The following CIMIP5 variants were observed in gnomAD, a reference collection of about 807,000 sequenced individuals.
The protein encoded by CIMIP5 is ciliary microtubule inner protein 5, also known as uncharacterized protein C2orf50.
chr2:11,139,433 G>A, the CIMIP5 span, among the ~76,000 whole-genome samples: 5 of 152,274 alleles, frequency 3.3e-5, no homozygotes, highest in East Asian at 9.6e-4. Context: ...TTGTAGAATT[G>A]TTTGACTTTT....
At chr2:11,150,340 CT>C in the CIMIP5 span, among the ~76,000 whole-genome samples, 132,900 of 149,858 alleles carry the variant, frequency 0.89, 59,068 homozygotes, top group East Asian at 1. Context: ...GATTTTTTTT[CT>C]TTTTTTTTTG....
At chr2:11,153,909 A>T in the CIMIP5 span, among the ~76,000 whole-genome samples, 3 of 132,780 alleles carry the variant, frequency 2.3e-5, no homozygotes, top group South Asian at 8.9e-4. Context: ...GGGCGACAAG[A>T]GTGAAACTCC....
At chr2:11,135,655 G>T in the CIMIP5 span, among the ~76,000 whole-genome samples, 14 of 88,604 alleles carry the variant, frequency 1.6e-4, no homozygotes, top group South Asian at 1.0e-3. Context: ...GGTTTTTTTT[G>T]GGGTTTTTTT....
At chr2:11,146,942 C>T in the CIMIP5 span, among the ~76,000 whole-genome samples, 1 of 152,130 alleles carries the variant, frequency 6.6e-6, no homozygotes, top group Non-Finnish European at 1.5e-5. Flanking sequence ...AGAAGATTTC[C>T]ATTTGAGGGA....
chr2:11,145,104 C>G, the CIMIP5 span: 1 of 152,232 alleles, frequency 6.6e-6, no homozygotes, highest in Non-Finnish European at 1.5e-5. Context: ...CTGCTTCTGC[C>G]TCCTGAGTAG....
the CIMIP5 span, chr2:11,143,997 G>A: frequency 6.2e-7 from 1 of 1,607,338 alleles, no homozygotes; most frequent in Non-Finnish European, 8.5e-7. Flanking sequence ...CCACGAACCA[G>A]GTTGTGGGCA....
At chr2:11,143,765 C>T in the CIMIP5 span, among the ~76,000 whole-genome samples, 3 of 152,056 alleles carry the variant, frequency 2.0e-5, no homozygotes, top group Non-Finnish European at 2.9e-5. Context: ...GCTGTGGCAT[C>T]GGGTCACTCT....
chr2:11,150,555 C>T, the CIMIP5 span, among the ~76,000 whole-genome samples: 2 of 151,496 alleles, frequency 1.3e-5, no homozygotes, highest in Non-Finnish European at 2.9e-5. Flanking sequence ...TGGTCTTGAA[C>T]TCTTGACCTC....
At chr2:11,135,133 C>G in the CIMIP5 span, among the ~76,000 whole-genome samples, 1 of 152,190 alleles carries the variant, frequency 6.6e-6, no homozygotes, top group Non-Finnish European at 1.5e-5. Context: ...ATTCGTGACC[C>G]AAACACCTCC....
chr2:11,149,327 G>A, the CIMIP5 span, among the ~76,000 whole-genome samples: 4 of 149,846 alleles, frequency 2.7e-5, no homozygotes, highest in Non-Finnish European at 5.9e-5. Flanking sequence ...AAAAAAAAAA[G>A]TAACTAGAAT....
the CIMIP5 span, among the ~76,000 whole-genome samples, chr2:11,143,559 C>T: frequency 2.6e-4 from 34 of 131,496 alleles, no homozygotes; most frequent in Admixed American, 5.6e-4. Context: ...CTCTTAAGTA[C>T]AAATTTACCA....
the CIMIP5 span, among the ~76,000 whole-genome samples, chr2:11,136,337 G>A: frequency 3.9e-5 from 6 of 152,312 alleles, no homozygotes; most frequent in African/African-American, 7.2e-5. Flanking sequence ...GAGTGAAAAG[G>A]CAACTTACAG....
chr2:11,134,198 A>G, the CIMIP5 span, among the ~76,000 whole-genome samples: 1 of 150,644 alleles, frequency 6.6e-6, no homozygotes. Flanking sequence ...GACATGAAAT[A>G]GGAGAAGGAG....
At chr2:11,139,305 CA>C in the CIMIP5 span, among the ~76,000 whole-genome samples, 1 of 152,158 alleles carries the variant, frequency 6.6e-6, no homozygotes, top group Non-Finnish European at 1.5e-5. Flanking sequence ...CCTATTATTT[CA>C]AAATATGGAT....
chr2:11,150,901 A>C, the CIMIP5 span, among the ~76,000 whole-genome samples: 1 of 151,990 alleles, frequency 6.6e-6, no homozygotes, highest in Non-Finnish European at 1.5e-5. Context: ...ACAAAACTTT[A>C]CCCTGAAACA....
chr2:11,138,616 G>A, the CIMIP5 span, among the ~76,000 whole-genome samples: 1 of 152,260 alleles, frequency 6.6e-6, no homozygotes, highest in East Asian at 1.9e-4. Flanking sequence ...GGTGGGGCCC[G>A]GTGGAAGGCG....
At chr2:11,140,910 A>G in the CIMIP5 span, among the ~76,000 whole-genome samples, 8 of 152,158 alleles carry the variant, frequency 5.3e-5, no homozygotes, top group East Asian at 1.4e-3. Flanking sequence ...CTTTGTAAAC[A>G]AATTCCCTGA....
the CIMIP5 span, chr2:11,133,295 C>T: frequency 8.4e-6 from 13 of 1,545,696 alleles, no homozygotes; most frequent in South Asian, 6.1e-5. Context: ...CTCTCTCTCT[C>T]TCTCTGACAC....
chr2:11,149,962 T>C, the CIMIP5 span, among the ~76,000 whole-genome samples: 1 of 152,324 alleles, frequency 6.6e-6, no homozygotes, highest in African/African-American at 2.4e-5. Flanking sequence ...TTGTTTGTTT[T>C]TGAGACGGCG....
Sources: allele counts gnomAD v4.1 joint callset (sites outside exome capture counted in the v4.1 genomes callset), GRCh38; gene constraint gnomAD v4.1.1; transcripts MANE v1.5; gene names NCBI Gene and HGNC (gene_info 2026-07-23, HGNC 2026-07-21).